Variants in VPS4A observed in about 807,000 individuals in gnomAD.
VPS4A encodes vacuolar protein sorting-associated protein 4A.
A neutral mutation model predicts 52.3 loss-of-function variants in VPS4A; 20 were observed. The ratio of observed to expected loss-of-function variants is 0.38; its 90% CI spans 0.27 to 0.56. The LOEUF is 0.56. VPS4A is among the 20% of genes least tolerant of loss of function. VPS4A has a pLI of 0.72. For missense variants in VPS4A, 419 were observed against 575.9 expected (o/e 0.73, Z 2.79); for synonymous variants, 293 against 227.7 (o/e 1.29, Z -2.58).
chr16:69,313,603 A>T (rs1965402572), intron 1 of VPS4A, among the ~76,000 whole-genome samples: 3 of 152,162 alleles, frequency 2.0e-5, no homozygotes. Flanking sequence ...GTATTTCATG[A>T]CACATGAAAA....
rs1965560652 is a variant in VPS4A, at chr16:69,324,593, T to A, written c.*284T>A. The A allele has an allele frequency of 5.1e-6, 2 of 388,814 alleles. No individual in the cohort carries two copies. The highest frequency in any genetic ancestry group is 6.4e-5 in the South Asian group (2 of 31,332). The allele number at this position is 388,814 out of a possible 1,614,324, so 24.1% of individuals were successfully genotyped here. ...CCCCCCTTTTTTTTCCATCTTTTGTTCCCCTAAATTAATGCTGCTTGGATT... is the reference window on the plus strand; with the variant it reads ...CCCCCCTTTTTTTTCCATCTTTTGTACCCCTAAATTAATGCTGCTTGGATT... On this transcript the variant is annotated 3_prime_UTR_variant, in exon 11 of 11. Coordinates refer to ENST00000254950, the MANE Select transcript of VPS4A (RefSeq NM_013245.3).
rs1965502013 is a variant in VPS4A at position 69,320,937 on chromosome 16, C to T, written c.852-114C>T. On this transcript the variant is annotated intron_variant, in intron 8 of 10. Coordinates refer to ENST00000254950, the MANE Select transcript of VPS4A (RefSeq NM_013245.3). This position sits in a 1 kb window ranked among gnomAD's most constrained non-coding sequence, Gnocchi z 4.2. ...GGCTGGCTTGTTGAGGATGTGCCGCCAGCATCACTGGCCCATGAAATGCGT... is the reference window on the plus strand; with the variant it reads ...GGCTGGCTTGTTGAGGATGTGCCGCTAGCATCACTGGCCCATGAAATGCGT... 3.2e-6 allele frequency: 4 copies of T among 1,264,964 alleles called. No individual in the cohort carries two copies. The highest frequency in any genetic ancestry group is 4.4e-6 in the Non-Finnish European group (4 of 899,726). The allele number at this position is 1,264,964 out of a possible 1,614,324, so 78.4% of individuals were successfully genotyped here. A position where few individuals can be genotyped will look rare whatever the true frequency, so the allele number is the denominator to read the frequency against.
At position 69,326,489 on chromosome 16, in the gene VPS4A, T is replaced by C. The variant is rs893562822; in HGVS notation, c.*2180T>C. ...CATTTACTTGAATCAGAACGTTGTT[T>C]CCTCATTCCTACTGCTTAAACACCT... On this transcript the variant is annotated 3_prime_UTR_variant, in exon 11 of 11. Transcript: ENST00000254950. 1 of 152,242 alleles carries C rather than the reference T, an allele frequency of 6.6e-6. No individual in the cohort carries two copies. Among genetic ancestry groups the C allele is most frequent in the Non-Finnish European group, 1.5e-5 (1 of 68,036 alleles). 9.4% of individuals were successfully genotyped at this position (152,242 alleles called of 1,614,324 possible).
Position 69,325,850 on chromosome 16 carries a change from G to A in VPS4A, c.*1541G>A, listed in dbSNP as rs1296305604. The A allele has an allele frequency of 6.6e-6, 1 of 152,170 alleles. No individual in the cohort carries two copies. Among genetic ancestry groups the A allele is most frequent in the African/African-American group, 2.4e-5 (1 of 41,410 alleles). 9.4% of individuals were successfully genotyped at this position (152,170 alleles called of 1,614,324 possible). On this transcript the variant is annotated 3_prime_UTR_variant, in exon 11 of 11. Transcript: ENST00000254950. ...GGGGCAGCCTGTCAGCGGCCACTAA[G>A]TAGAGGCTGCTCTGTACAGAAGGGG... is the stretch of plus-strand genomic sequence containing the variant.
Position 69,321,357 on chromosome 16 carries a change from C to T in VPS4A, c.1071+87C>T, listed in dbSNP as rs1965509208. 1.4e-6 allele frequency: 2 copies of T among 1,425,132 alleles called. No homozygotes were observed. Among genetic ancestry groups the T allele is most frequent in the African/African-American group, 1.4e-5 (1 of 70,688 alleles). The allele number at this position is 1,425,132 out of a possible 1,614,324, so 88.3% of individuals were successfully genotyped here. A position where few individuals can be genotyped will look rare whatever the true frequency, so the allele number is the denominator to read the frequency against. The stretch of plus-strand genomic sequence containing the variant: ...TTTTTCCCAGCTCCTGGTCCTGCTC[C>T]CCGGCTGCTCAGGTGACACAGTCTC... On this transcript the variant is annotated intron_variant, in intron 9 of 10. Coordinates refer to ENST00000254950, the MANE Select transcript of VPS4A (RefSeq NM_013245.3). This position sits in a 1 kb window ranked among gnomAD's most constrained non-coding sequence, Gnocchi z 4.5.
At chr16:69,311,559 C>G in intron 1 of VPS4A, 27 bp downstream of exon 1, 1 of 1,298,632 alleles carries the variant, frequency 7.7e-7, no homozygotes, top group Non-Finnish European at 9.9e-7. Context: ...GGCCCGACTT[C>G]GGAGGCCGAA....
chr16:69,314,664 T>C (rs1260446639), intron 1 of VPS4A, among the ~76,000 whole-genome samples: 1 of 152,230 alleles, frequency 6.6e-6, no homozygotes, highest in Non-Finnish European at 1.5e-5. Flanking sequence ...CACATCAGCC[T>C]GGCCCAGCCT....
At position 69,316,044 on chromosome 16, in the gene VPS4A, G is replaced by A; in HGVS notation, c.58G>A (p.Asp20Asn). Residue 20 changes from aspartate (D) to asparagine (N), a missense_variant, in exon 2 of 11, where the codon GAC (aspartate) becomes AAC (asparagine). Transcript: ENST00000254950. Reference protein sequence around the residue: ...IDLVTKATEEDKAKNYEEALR... With the variant: ...IDLVTKATEENKAKNYEEALR... ...TCTGGTGACGAAAGCCACAGAGGAG[G>A]ACAAAGCCAAGAACTACGAGGAGGC... is the stretch of plus-strand genomic sequence containing the variant. 1 of 1,613,600 alleles carries A rather than the reference G, an allele frequency of 6.2e-7. No individual in the cohort carries two copies.
At position 69,320,575 on chromosome 16, in the gene VPS4A, G is replaced by A; in HGVS notation, c.770-113G>A. 1.0e-6 allele frequency: 1 copy of A among 953,394 alleles called. No homozygotes were observed. Among genetic ancestry groups the A allele is most frequent in the Non-Finnish European group, 1.6e-6 (1 of 629,678 alleles). The allele number at this position is 953,394 out of a possible 1,614,324, so 59.1% of individuals were successfully genotyped here. On this transcript the variant is annotated intron_variant, in intron 7 of 10. Transcript: ENST00000254950. The surrounding 1 kb of genome is among the most constrained non-coding windows in gnomAD (Gnocchi z 4.2). ...CTTGGGACCCTGCCAGTGGTGGGTG[G>A]CACAGGGATGGCTTCAATTGCTGAC...
At chr16:69,316,171 G>C in intron 2 of VPS4A, 52 bp downstream of exon 2, 1 of 1,612,548 alleles carries the variant, frequency 6.2e-7, no homozygotes, top group Non-Finnish European at 8.5e-7. Flanking sequence ...GGGAGCGGAG[G>C]AGAGGGGGTG....
At position 69,320,971 on chromosome 16, in the gene VPS4A, C is replaced by CTCAAATCT; in HGVS notation, c.852-77_852-70dup. On this transcript the variant is annotated intron_variant, in intron 8 of 10. Coordinates refer to ENST00000254950, the MANE Select transcript of VPS4A (RefSeq NM_013245.3). The surrounding 1 kb of genome is among the most constrained non-coding windows in gnomAD (Gnocchi z 4.2). ...TGGCCCATGAAATGCGTCCGTTTCACTCAAATCTTCGTGCCTCCCCTTCCG... is the reference window on the plus strand; with the variant it reads ...TGGCCCATGAAATGCGTCCGTTTCACTCAAATCTTCAAATCTTCGTGCCTCCCCTTCCG... 1 of 1,438,814 alleles carries CTCAAATCT rather than the reference C, an allele frequency of 7.0e-7. No individual in the cohort carries two copies. The highest frequency in any genetic ancestry group is 1.2e-5 in the South Asian group (1 of 80,044). 89.1% of individuals were successfully genotyped at this position (1,438,814 alleles called of 1,614,324 possible).
chr16:69,323,787 T>C, intron 10 of VPS4A: 2 of 387,002 alleles, frequency 5.2e-6, no homozygotes, highest in Non-Finnish European at 1.0e-5. Flanking sequence ...CCGTCTCTGC[T>C]AAAAATACAA....
chr16:69,322,461 CCA>C, intron 9 of VPS4A, 97 bp from the exon 10 acceptor site: 1 of 1,340,470 alleles, frequency 7.5e-7, no homozygotes, highest in Non-Finnish European at 9.9e-7. Context: ...TGCTAGGGAC[CCA>C]CAGAGCATTC....
intron 1 of VPS4A, among the ~76,000 whole-genome samples, chr16:69,312,824 G>C (rs955052254): frequency 2.0e-5 from 3 of 151,974 alleles, no homozygotes; most frequent in Non-Finnish European, 1.5e-5. Context: ...TGTTGGCCAG[G>C]CTGGTCTCGA....
At chr16:69,312,114 A>C (rs144817029) in intron 1 of VPS4A, among the ~76,000 whole-genome samples, 24 of 152,158 alleles carry the variant, frequency 1.6e-4, no homozygotes, top group African/African-American at 5.8e-4. Flanking sequence ...AGAAGAGATC[A>C]ACATGCTCAG....
Position 69,320,399 on chromosome 16 carries a change from TC to T in VPS4A, c.769+114del. ...GTTGTTCTCAGCCTCGGAGAGGCAC[TC>T]CCCAGCTCCAGCCCCTCAGGGCACG... On this transcript the variant is annotated intron_variant, in intron 7 of 10. Transcript: ENST00000254950. The surrounding 1 kb of genome is among the most constrained non-coding windows in gnomAD (Gnocchi z 4.2). 1 of 1,471,246 alleles carries T rather than the reference TC, an allele frequency of 6.8e-7. No homozygotes were observed. The highest frequency in any genetic ancestry group is 9.2e-7 in the Non-Finnish European group (1 of 1,087,556). The allele number at this position is 1,471,246 out of a possible 1,614,324, so 91.1% of individuals were successfully genotyped here.
intron 10 of VPS4A, among the ~76,000 whole-genome samples, chr16:69,323,944 C>CA (rs373024058): frequency 0.096 from 9,419 of 98,534 alleles, 494 homozygotes; most frequent in Middle Eastern, 0.15. Context: ...ACTCCGTCTC[C>CA]AAAAAAAAAA....
chr16:69,324,392 G>A lies in VPS4A; in HGVS notation c.*83G>A. 7.2e-7 allele frequency: 1 copy of A among 1,389,662 alleles called. No individual in the cohort carries two copies. Among genetic ancestry groups the A allele is most frequent in the South Asian group, 1.2e-5 (1 of 81,204 alleles). The allele number at this position is 1,389,662 out of a possible 1,614,324, so 86.1% of individuals were successfully genotyped here. ...ACTCCCCATGTCAACAGCCAGACAG[G>A]GCTCCAGGGCTTGTCCCAGTCAATA... On this transcript the variant is annotated 3_prime_UTR_variant, in exon 11 of 11. Coordinates refer to ENST00000254950, the MANE Select transcript of VPS4A (RefSeq NM_013245.3).
rs1965590873 is a variant in VPS4A at position 69,326,083 on chromosome 16, TAAA to T, written c.*1775_*1777del. On this transcript the variant is annotated 3_prime_UTR_variant, in exon 11 of 11. Transcript: ENST00000254950. ...ATTCACACAGAAAGACCTGGCCTAG[TAAA>T]TGAAGCTTATAGCCTGCAAAGGGCT... The T allele has an allele frequency of 6.6e-6, 1 of 152,366 alleles. No homozygotes were observed. Among genetic ancestry groups the T allele is most frequent in the Admixed American group, 6.5e-5 (1 of 15,280 alleles). 9.4% of individuals were successfully genotyped at this position (152,366 alleles called of 1,614,324 possible).
Sources: gnomAD v4.1 joint callset for allele counts (sites outside exome capture counted in the v4.1 genomes callset) on GRCh38, gnomAD v4.1.1 for gene constraint, Gnocchi (gnomAD v3.1) non-coding constraint, MANE v1.5 for transcripts, NCBI Gene and HGNC (gene_info 2026-07-23, HGNC 2026-07-21) for gene names.